SPATA31C1: variants seen among roughly 807,000 people sequenced by gnomAD.
SPATA31C1 encodes spermatogenesis-associated protein 31C1.
At chr9:87,922,506 C>T (rs777050288) in exon 5 of SPATA31C1, 3 of 1,610,694 alleles carry the variant, frequency 1.9e-6, no homozygotes, top group African/African-American at 1.3e-5. Flanking sequence ...TGAATTTGAG[C>T]CTGGAATGGC....
exon 5 of SPATA31C1, chr9:87,920,904 T>G (rs1215096749): frequency 6.2e-7 from 1 of 1,613,184 alleles, no homozygotes; most frequent in Admixed American, 1.7e-5. Flanking sequence ...CCAGCCCCTG[T>G]CCCATCTGGG....
At chr9:87,920,192 ACT>A in intron 4 of SPATA31C1, 58 bp from the exon 4 acceptor site, 3 of 1,606,562 alleles carry the variant, frequency 1.9e-6, no homozygotes, top group Non-Finnish European at 2.5e-6. Context: ...CCAAGCGCCC[ACT>A]CTGCCCTCCG....
At chr9:87,921,082 T>C (rs775909261) in exon 5 of SPATA31C1, 9 of 1,611,418 alleles carry the variant, frequency 5.6e-6, no homozygotes, top group Non-Finnish European at 6.8e-6. Context: ...CAGAATAAAG[T>C]GCAAGCTCTC....
At chr9:87,921,123 C>T in exon 5 of SPATA31C1, 1 of 1,611,758 alleles carries the variant, frequency 6.2e-7, no homozygotes, top group South Asian at 1.1e-5. Context: ...CCCTGAAAGG[C>T]CTTTGTTGAG....
exon 5 of SPATA31C1, chr9:87,922,434 C>A (rs765420339): frequency 1.2e-5 from 19 of 1,610,332 alleles, no homozygotes; most frequent in Admixed American, 8.4e-5. Context: ...AAGCTCTCTA[C>A]TCCCTAGAAT....
At chr9:87,920,138 T>A in intron 4 of SPATA31C1, 114 bp from the exon 4 acceptor site, 2 of 1,599,202 alleles carry the variant, frequency 1.3e-6, no homozygotes, top group Non-Finnish European at 1.7e-6. Context: ...GTGGTCAGGG[T>A]GTGGCGTGGT....
exon 5 of SPATA31C1, chr9:87,920,842 A>G: frequency 6.2e-7 from 1 of 1,613,634 alleles, no homozygotes; most frequent in Non-Finnish European, 8.5e-7. Context: ...GTCCAGCAAG[A>G]TCATCTTTCC....
chr9:87,921,948 G>A (rs1828884670), exon 5 of SPATA31C1: 1 of 1,612,390 alleles, frequency 6.2e-7, no homozygotes, highest in South Asian at 1.1e-5. Context: ...CTTTCAACTG[G>A]AAAAGGTTTC....
exon 5 of SPATA31C1, chr9:87,921,917 G>C: frequency 6.2e-7 from 1 of 1,612,008 alleles, no homozygotes; most frequent in Non-Finnish European, 8.5e-7. Context: ...TACCCCTCAG[G>C]GTCCTCAAGC....
At chr9:87,921,501 C>A (rs773072063) in exon 5 of SPATA31C1, 2 of 1,611,784 alleles carry the variant, frequency 1.2e-6, no homozygotes, top group Non-Finnish European at 1.7e-6. Context: ...TGAGACCCCA[C>A]AAAATCTATC....
rs768954693 is a variant in SPATA31C1 at position 87,920,567 on chromosome 9, A to G, written n.957A>G. 6 of 1,613,002 alleles carry G rather than the reference A, an allele frequency of 3.7e-6. No homozygotes were observed. In the Admixed American group the frequency reaches 6.7e-5, roughly 18 times the overall value. On this transcript the variant is annotated non_coding_transcript_exon_variant, in exon 5 of 5. Coordinates refer to ENST00000420021, the Ensembl canonical transcript of SPATA31C1. ...CACCTGCACTTTTCCCTCACCCACC[A>G]CACACCCCTGATCCTCTGGCCTGCT...
chr9:87,919,795 G>A (rs1828800958), intron 3 of SPATA31C1, 121 bp from the exon 3 acceptor site: 3 of 1,459,680 alleles, frequency 2.1e-6, no homozygotes, highest in South Asian at 1.2e-5. Context: ...TGTGGCTTTG[G>A]ACACAGATGG....
In SPATA31C1 at chr9:87,923,118, G is replaced by A. The variant is rs752170026; in HGVS notation, n.3508G>A. On this transcript the variant is annotated non_coding_transcript_exon_variant, in exon 5 of 5. Coordinates refer to ENST00000420021, the Ensembl canonical transcript of SPATA31C1. Reference sequence around the variant, plus strand: ...GACAGCAGTTGGACAGATACCGGAGGAGAACATGTCACTTTGCCATGCGCG... The same window carrying A: ...GACAGCAGTTGGACAGATACCGGAGAAGAACATGTCACTTTGCCATGCGCG... 6.9e-6 allele frequency: 11 copies of A among 1,603,468 alleles called. No individual in the cohort carries two copies. In the East Asian group the frequency reaches 9.0e-5, roughly 13 times the overall value.
At chr9:87,923,287 A>G (rs1483292073) in exon 5 of SPATA31C1, 2 of 1,603,654 alleles carry the variant, frequency 1.2e-6, no homozygotes, top group Admixed American at 1.7e-5. Flanking sequence ...ACTCTCAAGA[A>G]CCAGAGTCGT....
At chr9:87,913,964 TA>T (rs1202981530), upstream of SPATA31C1, among the ~76,000 whole-genome samples, 1 of 78,392 alleles carries the variant, frequency 1.3e-5, no homozygotes, top group Non-Finnish European at 2.9e-5. Flanking sequence ...ATAAAAAAAA[TA>T]AAAAAAAAGG....
At chr9:87,920,846 T>C (rs770658120) in exon 5 of SPATA31C1, 1 of 1,613,538 alleles carries the variant, frequency 6.2e-7, no homozygotes, top group African/African-American at 1.3e-5. Context: ...AGCAAGATCA[T>C]CTTTCCCGCC....
chr9:87,921,119 A>G, exon 5 of SPATA31C1: 2 of 1,611,764 alleles, frequency 1.2e-6, no homozygotes, highest in Middle Eastern at 2.3e-4. Flanking sequence ...AGCACCCTGA[A>G]AGGCCTTTGT....
At position 87,922,160 on chromosome 9, in the gene SPATA31C1, G is replaced by T. The variant is rs537225781; in HGVS notation, n.2550G>T. 2.6e-5 allele frequency: 42 copies of T among 1,613,154 alleles called. No homozygotes were observed. The African/African-American group carries it at 5.1e-4, about 19-fold the overall frequency. On this transcript the variant is annotated non_coding_transcript_exon_variant, in exon 5 of 5. Transcript: ENST00000420021. Reference sequence around the variant, plus strand: ...CATGTAAGCAGTTCCAGAGGGCCCCGCGAGGGATCCCATCTTCAAATGATC... The same window carrying T: ...CATGTAAGCAGTTCCAGAGGGCCCCTCGAGGGATCCCATCTTCAAATGATC...
upstream of SPATA31C1, among the ~76,000 whole-genome samples, chr9:87,913,955 T>TA (rs1429427409): frequency 7.8e-5 from 6 of 77,190 alleles, no homozygotes; most frequent in South Asian, 4.9e-4. Context: ...CTCAAAAAAA[T>TA]AAAAAAAATA....
Sources: gnomAD v4.1 joint callset for allele counts (sites outside exome capture counted in the v4.1 genomes callset) on GRCh38, gnomAD v4.1.1 for gene constraint, MANE v1.5 for transcripts, NCBI Gene and HGNC (gene_info 2026-07-23, HGNC 2026-07-21) for gene names.